ZNF385D: variants seen among roughly 807,000 people sequenced by gnomAD.
ZNF385D encodes the protein zinc finger protein 385D.
Under a neutral mutation model 35.8 loss-of-function variants are expected in ZNF385D, and 15 were observed. That is an observed-to-expected ratio of 0.42 (90% confidence interval 0.28 to 0.64). The LOEUF (loss-of-function observed/expected upper bound fraction) is 0.64, where lower values mean the gene tolerates loss of function less well. ZNF385D is among the 30% of genes least tolerant of loss of function. The probability of loss-of-function intolerance (pLI) is 0.23; values close to 1 mark genes in which losing one functional copy is unlikely to be tolerated. For missense variants in ZNF385D, 474 were observed against 494.6 expected, an observed-to-expected ratio of 0.96 and a Z score of 0.39; for synonymous variants, 212 against 186.8, an observed-to-expected ratio of 1.13 and a Z score of -1.10.
intron 2 of ZNF385D, among the ~76,000 whole-genome samples, chr3:21,627,458 C>T (rs764943391): frequency 9.2e-5 from 14 of 151,898 alleles, no homozygotes; most frequent in Non-Finnish European, 1.5e-5. Flanking sequence ...AGAAGCTGAA[C>T]GTTCATAAGG....
intron 2 of ZNF385D, among the ~76,000 whole-genome samples, chr3:22,358,441 A>C (rs1240480780): frequency 6.6e-6 from 1 of 151,892 alleles, no homozygotes; most frequent in Non-Finnish European, 1.5e-5. Flanking sequence ...GCATTCAAGT[A>C]GCAGCTTGAA....
chr3:21,867,921 T>C (rs1266090872), intron 3 of ZNF385D, among the ~76,000 whole-genome samples: 1 of 152,174 alleles, frequency 6.6e-6, no homozygotes, highest in Non-Finnish European at 1.5e-5. Context: ...TGTTTACTTC[T>C]AATTTAAATT....
intron 3 of ZNF385D, among the ~76,000 whole-genome samples, chr3:21,563,481 G>A (rs901427195): frequency 1.3e-5 from 2 of 152,138 alleles, no homozygotes; most frequent in Non-Finnish European, 2.9e-5. Context: ...GAGTTCTTAA[G>A]ACGAAAGCAA....
intron 3 of ZNF385D, among the ~76,000 whole-genome samples, chr3:22,059,943 A>G (rs1383741440): frequency 6.6e-6 from 1 of 152,216 alleles, no homozygotes; most frequent in South Asian, 2.1e-4. Context: ...TTGAAGATCC[A>G]GATAGACCTG....
At chr3:22,033,171 G>T (rs772888412) in intron 3 of ZNF385D, among the ~76,000 whole-genome samples, 12 of 151,998 alleles carry the variant, frequency 7.9e-5, no homozygotes, top group Non-Finnish European at 1.6e-4. Flanking sequence ...GGAGGCTGAG[G>T]CAGGTCGATA....
intron 3 of ZNF385D, among the ~76,000 whole-genome samples, chr3:21,770,954 C>G (rs1475656088): frequency 1.3e-5 from 2 of 152,008 alleles, no homozygotes; most frequent in African/African-American, 4.8e-5. Context: ...ATGGATGAAG[C>G]TGGAAACCAT....
At chr3:21,538,254 G>A (rs1321718620) in intron 3 of ZNF385D, among the ~76,000 whole-genome samples, 3 of 152,180 alleles carry the variant, frequency 2.0e-5, no homozygotes, top group Non-Finnish European at 2.9e-5. Context: ...GTATGGAGTT[G>A]AGGGAGAGAA....
chr3:21,779,564 T>A (rs1417130443), intron 3 of ZNF385D, among the ~76,000 whole-genome samples: 1 of 151,964 alleles, frequency 6.6e-6, no homozygotes, highest in Non-Finnish European at 1.5e-5. Context: ...ATACAATAGG[T>A]GTTTCTGAAC....
intron 3 of ZNF385D, among the ~76,000 whole-genome samples, chr3:21,553,384 ATAT>A (rs781780816): frequency 5.9e-5 from 9 of 152,316 alleles, no homozygotes; most frequent in Non-Finnish European, 8.8e-5. Flanking sequence ...CTGTGCAATA[ATAT>A]TATGTCTAAA....
At chr3:21,832,489 G>T (rs1005419727) in intron 3 of ZNF385D, among the ~76,000 whole-genome samples, 2 of 152,170 alleles carry the variant, frequency 1.3e-5, no homozygotes, top group African/African-American at 4.8e-5. Flanking sequence ...AGCAAAGCAG[G>T]TGCTTCCTCA....
rs537484695 is a variant in ZNF385D at position 22,012,574 on chromosome 3, C to T, written c.325+156243G>A. ...ATTGTAGTCTAATGAAGAGACCAGA[C>T]TGATAATAAAACAAGCATTCAAAAT... On this transcript the variant is annotated intron_variant, in intron 3 of 5. Transcript: ENST00000494108. Among the ~76,000 whole-genome samples the T allele has an allele frequency of 2.0e-5, 3 of 151,342 alleles. No homozygotes were observed. The South Asian group carries it at 6.3e-4, about 32-fold the overall frequency.
Position 21,646,052 on chromosome 3 carries a change from G to A in ZNF385D, c.165+18834C>T, listed in dbSNP as rs190448427. On this transcript the variant is annotated intron_variant, in intron 2 of 7. Transcript: ENST00000281523. The surrounding 1 kb of genome is among the most constrained non-coding windows in gnomAD (Gnocchi z 4.3). ...AGCTCGGTCCTCATTTACAGGGAAT[G>A]AGAAAATACCTAAAAAGAATGTGGA... Among the ~76,000 whole-genome samples the A allele has an allele frequency of 3.3e-5, 5 of 152,272 alleles. No homozygotes were observed. In the East Asian group the frequency reaches 9.7e-4, roughly 29 times the overall value.
chr3:21,999,187 G>T (rs1441676713), intron 3 of ZNF385D, among the ~76,000 whole-genome samples: 2 of 152,114 alleles, frequency 1.3e-5, no homozygotes, highest in African/African-American at 4.8e-5. Context: ...TCAATAAAAA[G>T]CTAAGGGCAT....
chr3:22,038,186 C>G (rs771229514), intron 3 of ZNF385D, among the ~76,000 whole-genome samples: 1 of 152,096 alleles, frequency 6.6e-6, no homozygotes, highest in Non-Finnish European at 1.5e-5. Flanking sequence ...TAGGAGATAA[C>G]AAGATGAATA....
At chr3:22,219,935 A>G (rs1698150955) in intron 2 of ZNF385D, among the ~76,000 whole-genome samples, 1 of 152,038 alleles carries the variant, frequency 6.6e-6, no homozygotes, top group Non-Finnish European at 1.5e-5. Flanking sequence ...TTCTCAATAT[A>G]TTCAACAAAA....
intron 2 of ZNF385D, among the ~76,000 whole-genome samples, chr3:22,311,075 G>A (rs1703515150): frequency 6.6e-6 from 1 of 151,758 alleles, no homozygotes; most frequent in Admixed American, 6.6e-5. Context: ...AGCAACCCAG[G>A]TTATTGTAAT....
chr3:22,014,721 A>G (rs909113516), intron 3 of ZNF385D, among the ~76,000 whole-genome samples: 1 of 152,148 alleles, frequency 6.6e-6, no homozygotes, highest in Non-Finnish European at 1.5e-5. Flanking sequence ...AAGAAATAAG[A>G]AAGTGCAAAC....
intron 3 of ZNF385D, among the ~76,000 whole-genome samples, chr3:21,952,180 A>G (rs1702097983): frequency 6.6e-6 from 1 of 151,942 alleles, no homozygotes; most frequent in South Asian, 2.1e-4. Flanking sequence ...CTCTCCTCTC[A>G]TGGCTTAAAA....
intron 2 of ZNF385D, among the ~76,000 whole-genome samples, chr3:22,215,331 A>G (rs1360261318): frequency 6.6e-6 from 1 of 152,106 alleles, no homozygotes. Flanking sequence ...GAACAGAGCC[A>G]TATTTCTCTT....
Sources: gnomAD v4.1 joint callset for allele counts (sites outside exome capture counted in the v4.1 genomes callset) on GRCh38, gnomAD v4.1.1 for gene constraint, Gnocchi (gnomAD v3.1) non-coding constraint, MANE v1.5 for transcripts, NCBI Gene and HGNC (gene_info 2026-07-23, HGNC 2026-07-21) for gene names.